The following ACSL1 variants were observed in gnomAD, a reference collection of about 807,000 sequenced individuals.
ACSL1 encodes acyl-CoA synthetase long chain family member 1, also known as long-chain-fatty-acid--CoA ligase 1.
Under a neutral mutation model 98.4 loss-of-function variants are expected in ACSL1, and 41 were observed. The ratio of observed to expected loss-of-function variants is 0.42; its 90% CI spans 0.32 to 0.54. The LOEUF is 0.54. ACSL1 is among the 20% of genes least tolerant of loss of function. The pLI is 0.13. For synonymous variants in ACSL1, 316 were observed against 322.7 expected (o/e 0.98, Z 0.22); for missense variants, 734 against 883.1 (o/e 0.83, Z 2.14).
intron 6 of ACSL1, 77 bp downstream of exon 6, chr4:184,776,807 C>G: frequency 3.3e-6 from 5 of 1,525,802 alleles, no homozygotes; most frequent in Non-Finnish European, 3.6e-6. Flanking sequence ...TTTGTCAAAT[C>G]AAATGTAAGC....
rs778639780 is a variant in ACSL1, at chr4:184,773,617, G to T, written c.841+46C>A. Reference sequence around the variant, plus strand: ...TCCAAAAGAGGTAGGGGAGAGTCCAGACCAATGGCTGCCATATGTAGAAGC... The same window carrying T: ...TCCAAAAGAGGTAGGGGAGAGTCCATACCAATGGCTGCCATATGTAGAAGC... On this transcript the variant is annotated intron_variant, in intron 9 of 20. Coordinates refer to ENST00000281455, the MANE Select transcript of ACSL1 (RefSeq NM_001995.5). This position sits in a 1 kb window ranked among gnomAD's most constrained non-coding sequence, Gnocchi z 4.3. 1 of 1,569,130 alleles carries T rather than the reference G, an allele frequency of 6.4e-7. No homozygotes were observed. The highest frequency in any genetic ancestry group is 2.2e-5 in the East Asian group (1 of 44,524).
At chr4:184,812,136 T>C in intron 1 of ACSL1, 2 of 961,232 alleles carry the variant, frequency 2.1e-6, no homozygotes, top group Non-Finnish European at 1.2e-6. Context: ...GTGTGGTACT[T>C]AGCACCTCCT....
intron 2 of ACSL1, among the ~76,000 whole-genome samples, chr4:184,795,910 A>G (rs1375281596): frequency 6.6e-6 from 1 of 152,250 alleles, no homozygotes; most frequent in Non-Finnish European, 1.5e-5. Context: ...ATTTCTAAAT[A>G]AAAACACCCC....
At chr4:184,779,807 C>G (rs1327149601) in intron 5 of ACSL1, among the ~76,000 whole-genome samples, 1 of 151,896 alleles carries the variant, frequency 6.6e-6, no homozygotes, top group Non-Finnish European at 1.5e-5. Flanking sequence ...TAAAATAATC[C>G]CCCCAAAAAA....
At position 184,780,268 on chromosome 4, in the gene ACSL1, A is replaced by T. The variant is rs1579883086; in HGVS notation, c.477+64T>A. The T allele has an allele frequency of 3.7e-6, 5 of 1,356,922 alleles. No homozygotes were observed. The South Asian group carries it at 6.0e-5, about 16-fold the overall frequency. 84.1% of individuals were successfully genotyped at this position (1,356,922 alleles called of 1,614,324 possible). A position where few individuals can be genotyped will look rare whatever the true frequency, so the allele number is the denominator to read the frequency against. ...GACTACAAAATCTGGTCTCTAGCAGAAGTTAGGCTCTTATATCTGAGAATT... is the reference window on the plus strand; with the variant it reads ...GACTACAAAATCTGGTCTCTAGCAGTAGTTAGGCTCTTATATCTGAGAATT... On this transcript the variant is annotated intron_variant, in intron 5 of 20. Transcript: ENST00000281455.
At chr4:184,759,779 T>C (rs1762612046) in intron 18 of ACSL1, among the ~76,000 whole-genome samples, 1 of 152,182 alleles carries the variant, frequency 6.6e-6, no homozygotes, top group African/African-American at 2.4e-5. Flanking sequence ...AGTGTGGCGA[T>C]TCCTCAGGGA....
At chr4:184,806,685 T>A (rs12499544) in intron 1 of ACSL1, among the ~76,000 whole-genome samples, 15,768 of 149,630 alleles carry the variant, frequency 0.11, 1,012 homozygotes, top group Non-Finnish European at 0.15. Flanking sequence ...AAGAACACTT[T>A]AAAAAAAAAA....
chr4:184,820,467 T>G (rs965369768), intron 1 of ACSL1, among the ~76,000 whole-genome samples: 1 of 152,214 alleles, frequency 6.6e-6, no homozygotes, highest in African/African-American at 2.4e-5. Context: ...TTGTGGTCTC[T>G]TTCAGCACTC....
At chr4:184,821,001 G>A (rs1561252548) in intron 1 of ACSL1, 1 of 456,184 alleles carries the variant, frequency 2.2e-6, no homozygotes, top group Non-Finnish European at 4.4e-6. Flanking sequence ...ATTCTGGTAT[G>A]GGGAACTTAA....
At chr4:184,790,764 T>C (rs185801320) in intron 2 of ACSL1, among the ~76,000 whole-genome samples, 5 of 152,348 alleles carry the variant, frequency 3.3e-5, no homozygotes, top group Admixed American at 1.3e-4. Context: ...AAAATATGAT[T>C]GTGTAGAATA....
chr4:184,823,473 T>TTATACTG (rs1773225420), intron 1 of ACSL1, among the ~76,000 whole-genome samples: 2 of 152,238 alleles, frequency 1.3e-5, no homozygotes, highest in South Asian at 4.1e-4. Flanking sequence ...CCTCTAAGGT[T>TTATACTG]ACTGACTATA....
At chr4:184,776,088 C>T (rs560580898) in intron 7 of ACSL1, among the ~76,000 whole-genome samples, 12 of 152,200 alleles carry the variant, frequency 7.9e-5, no homozygotes, top group Admixed American at 2.0e-4. Context: ...GGGAAAAGAA[C>T]GATGAGGCTG....
chr4:184,764,735 A>G (rs1763328796), intron 15 of ACSL1, 118 bp downstream of exon 15: 2 of 909,828 alleles, frequency 2.2e-6, no homozygotes, highest in African/African-American at 1.7e-5. Context: ...ATGATCAGAA[A>G]CATAGCACTT....
intron 14 of ACSL1, 97 bp downstream of exon 14, chr4:184,765,794 A>C: frequency 1.1e-6 from 1 of 917,936 alleles, no homozygotes; most frequent in Non-Finnish European, 1.6e-6. Flanking sequence ...ATTAAGAAAG[A>C]ACACACACAC....
intron 1 of ACSL1, among the ~76,000 whole-genome samples, chr4:184,807,621 G>A (rs1321573412): frequency 6.6e-6 from 1 of 152,232 alleles, no homozygotes; most frequent in East Asian, 1.9e-4. Context: ...GCGAGGCAGG[G>A]TGATGGAAAC....
chr4:184,768,161 G>T, intron 12 of ACSL1, 155 bp downstream of exon 12: 1 of 731,368 alleles, frequency 1.4e-6, no homozygotes, highest in Non-Finnish European at 2.1e-6. Flanking sequence ...AGAGGTAAAC[G>T]CATTCTAACT....
At chr4:184,788,276 G>A (rs967970581) in intron 3 of ACSL1, 1 of 384,996 alleles carries the variant, frequency 2.6e-6, no homozygotes, top group Non-Finnish European at 5.0e-6. Flanking sequence ...GGGTCTCATG[G>A]TCAAGTAAGC....
chr4:184,823,593 T>C (rs1773234616), intron 1 of ACSL1, among the ~76,000 whole-genome samples: 1 of 152,142 alleles, frequency 6.6e-6, no homozygotes, highest in African/African-American at 2.4e-5. Context: ...TTATCTTTTC[T>C]CAAAAGCCTC....
intron 11 of ACSL1, among the ~76,000 whole-genome samples, chr4:184,768,983 C>T (rs1018293367): frequency 4.0e-5 from 6 of 151,892 alleles, no homozygotes; most frequent in Admixed American, 2.0e-4. Flanking sequence ...GCTGGAGAAT[C>T]GCTTGAACCC....
Sources: gnomAD v4.1 joint callset for allele counts (sites outside exome capture counted in the v4.1 genomes callset) on GRCh38, gnomAD v4.1.1 for gene constraint, Gnocchi (gnomAD v3.1) non-coding constraint, MANE v1.5 for transcripts, NCBI Gene and HGNC (gene_info 2026-07-23, HGNC 2026-07-21) for gene names.